The following VPS13B variants were observed in gnomAD, a reference collection of about 807,000 sequenced individuals.
VPS13B encodes vacuolar protein sorting 13 homolog B, also known as intermembrane lipid transfer protein VPS13B.
In VPS13B, 285 loss-of-function variants were observed where a neutral mutation model predicts 426.4. The observed-to-expected ratio is 0.67, with a 90% confidence interval of 0.61 to 0.74. The LOEUF is 0.74. Ranked by LOEUF, VPS13B falls within the 30% of genes least tolerant of loss-of-function variation. The probability of loss-of-function intolerance (pLI) is 0.00; values close to 1 mark genes in which losing one functional copy is unlikely to be tolerated. For synonymous variants in VPS13B, 1,676 were observed against 1,676.4 expected (o/e 1.00, Z 0.01); for missense variants, 4,537 against 4,782.6 (o/e 0.95, Z 1.51).
At chr8:99,805,323 TTTAAAA>T (rs1488481753) in intron 43 of VPS13B, among the ~76,000 whole-genome samples, 1 of 152,044 alleles carries the variant, frequency 6.6e-6, no homozygotes, top group Non-Finnish European at 1.5e-5. Flanking sequence ...TGACAGTAGT[TTTAAAA>T]TGAATAGTGA....
intron 19 of VPS13B, among the ~76,000 whole-genome samples, chr8:99,332,277 A>G (rs191190438): frequency 3.0e-4 from 45 of 151,832 alleles, no homozygotes; most frequent in Admixed American, 2.5e-3. Context: ...AAATGGCTAA[A>G]TAGTAAACCT....
At chr8:99,020,053 A>G (rs904432948) in intron 2 of VPS13B, among the ~76,000 whole-genome samples, 1 of 152,074 alleles carries the variant, frequency 6.6e-6, no homozygotes, top group African/African-American at 2.4e-5. Flanking sequence ...GAATCACCAT[A>G]CTGTTTTCCA....
chr8:99,312,081 G>A (rs886157664), intron 19 of VPS13B, among the ~76,000 whole-genome samples: 4 of 152,132 alleles, frequency 2.6e-5, no homozygotes, highest in African/African-American at 9.7e-5. Context: ...CATGTGAGAT[G>A]GGTCTCCTGA....
At chr8:99,551,123 G>A (rs951883381) in intron 30 of VPS13B, among the ~76,000 whole-genome samples, 3 of 151,942 alleles carry the variant, frequency 2.0e-5, no homozygotes, top group Non-Finnish European at 2.9e-5. Flanking sequence ...CCACCATGGA[G>A]GACAGATTTG....
chr8:99,391,548 T>A lies in VPS13B; in HGVS notation c.2935-9T>A, dbSNP rs1814449170. On this transcript the variant is annotated splice_polypyrimidine_tract_variant and intron_variant, in intron 20 of 61. Coordinates refer to ENST00000357162, the MANE Select transcript of VPS13B (RefSeq NM_152564.5). ...AAACTAAAAAGGTTTTCATTTTGTC[T>A]CTTTCCAGCAGCCTGTGGTAGCTGT... 6.2e-7 allele frequency: 1 copy of A among 1,614,074 alleles called. No homozygotes were observed. The highest frequency in any genetic ancestry group is 8.5e-7 in the Non-Finnish European group (1 of 1,180,036).
At chr8:99,622,752 C>A (rs766500405) in intron 33 of VPS13B, among the ~76,000 whole-genome samples, 8 of 152,184 alleles carry the variant, frequency 5.3e-5, no homozygotes, top group Non-Finnish European at 2.9e-5. Context: ...ATACAACACC[C>A]TTTTCCAGTT....
chr8:99,872,519 A>C (rs998335160), intron 61 of VPS13B, among the ~76,000 whole-genome samples: 1 of 152,188 alleles, frequency 6.6e-6, no homozygotes, highest in Non-Finnish European at 1.5e-5. Flanking sequence ...GGGAGCCCCA[A>C]CCAGACAGAC....
chr8:99,566,740 T>G (rs1825211945), intron 31 of VPS13B, among the ~76,000 whole-genome samples: 1 of 152,196 alleles, frequency 6.6e-6, no homozygotes. Flanking sequence ...CGTGAGCCAC[T>G]GTGCCCAGCC....
rs998507468 is a variant in VPS13B, at chr8:99,590,010, T to A, written c.5220+12377T>A. ...TAGGCTATTAATTACTGCCTCAATT[T>A]CAGAGCCTGTTATTGGTCTATTCAG... is the stretch of plus-strand genomic sequence containing the variant. On this transcript the variant is annotated intron_variant, in intron 33 of 61. Transcript: ENST00000357162. 6.6e-5 allele frequency among the ~76,000 whole-genome samples: 10 copies of A among 152,296 alleles called. No homozygotes were observed. In the East Asian group the frequency reaches 1.9e-3, roughly 29 times the overall value.
chr8:99,078,571 A>C (rs1490015148), intron 3 of VPS13B, among the ~76,000 whole-genome samples: 1 of 152,026 alleles, frequency 6.6e-6, no homozygotes. Context: ...TGCGCATGAC[A>C]GTCCTTGGTG....
intron 36 of VPS13B, among the ~76,000 whole-genome samples, chr8:99,710,742 A>G (rs1021961764): frequency 6.6e-6 from 1 of 151,914 alleles, no homozygotes; most frequent in South Asian, 2.1e-4. Context: ...CTGTGATCCC[A>G]GCACTTTGGG....
intron 47 of VPS13B, 78 bp downstream of exon 47, chr8:99,818,966 C>CGGGGGG: frequency 1.1e-5 from 1 of 93,690 alleles, no homozygotes; most frequent in Non-Finnish European, 2.2e-5. Flanking sequence ...CACTGGGGGG[C>CGGGGGG]GGCGGGGGAG....
At chr8:99,210,424 A>G (rs191767659) in intron 17 of VPS13B, among the ~76,000 whole-genome samples, 6 of 152,004 alleles carry the variant, frequency 3.9e-5, no homozygotes, top group Admixed American at 3.3e-4. Flanking sequence ...TCTTTCTATT[A>G]TGGCCATTGG....
chr8:99,084,680 C>G (rs1207050573), intron 3 of VPS13B, among the ~76,000 whole-genome samples: 1 of 152,174 alleles, frequency 6.6e-6, no homozygotes, highest in Non-Finnish European at 1.5e-5. Flanking sequence ...TTTCAAAGAA[C>G]ATCTTTATTT....
intron 21 of VPS13B, among the ~76,000 whole-genome samples, chr8:99,397,343 C>T (rs1302942445): frequency 6.6e-6 from 1 of 152,108 alleles, no homozygotes; most frequent in Non-Finnish European, 1.5e-5. Flanking sequence ...CGGGGTTTCA[C>T]CGTGTTGGCC....
At chr8:99,831,208 G>A (rs1815038357) in intron 51 of VPS13B, among the ~76,000 whole-genome samples, 1 of 151,318 alleles carries the variant, frequency 6.6e-6, no homozygotes, top group Admixed American at 6.6e-5. Flanking sequence ...GAGTAGCTGG[G>A]ATTACAGGTG....
chr8:99,078,090 A>T (rs1026758913), intron 3 of VPS13B, among the ~76,000 whole-genome samples: 1 of 150,168 alleles, frequency 6.7e-6, no homozygotes, highest in African/African-American at 2.5e-5. Context: ...TTTTTTTATA[A>T]CCTTGTATTA....
At chr8:99,690,820 C>T (rs75354173) in intron 35 of VPS13B, among the ~76,000 whole-genome samples, 4,049 of 152,072 alleles carry the variant, frequency 0.027, 185 homozygotes, top group African/African-American at 0.093. Flanking sequence ...TAGTCCTTCA[C>T]GCTCACTAGG....
rs538109670 is a variant in VPS13B, at chr8:99,449,422, A to G, written c.3445+6787A>G. On this transcript the variant is annotated intron_variant, in intron 23 of 61. Coordinates refer to ENST00000357162, the MANE Select transcript of VPS13B (RefSeq NM_152564.5). ...GTAAATAAATCTGATGAGCTGCTGC[A>G]TATATGGATCTAGAGCTCTAAAGAG... is the stretch of plus-strand genomic sequence containing the variant. Among the ~76,000 whole-genome samples, 54 of 152,336 alleles carry G rather than the reference A, an allele frequency of 3.5e-4. 2 individuals carry two copies. The South Asian group carries it at 0.011, about 30-fold the overall frequency.
Sources: allele counts gnomAD v4.1 joint callset (sites outside exome capture counted in the v4.1 genomes callset), GRCh38; gene constraint gnomAD v4.1.1; transcripts MANE v1.5; gene names NCBI Gene and HGNC (gene_info 2026-07-23, HGNC 2026-07-21).